RTEL1: variants seen among roughly 807,000 people sequenced by gnomAD.
RTEL1 encodes regulator of telomere elongation helicase 1.
In RTEL1, 86 loss-of-function variants were observed where a neutral mutation model predicts 162.2. The observed-to-expected ratio is 0.53, with a 90% confidence interval of 0.45 to 0.63. The LOEUF is 0.63. Ranked by LOEUF, RTEL1 falls within the 30% of genes least tolerant of loss-of-function variation. The pLI, the probability that RTEL1 is intolerant of heterozygous loss-of-function variation, is 0.00. For synonymous variants in RTEL1, 958 were observed against 717.9 expected (o/e 1.33, Z -5.35); for missense variants, 1,941 against 1,750.2 (o/e 1.11, Z -1.95).
At chr20:63,681,144 A>G (rs4809323) in intron 14 of RTEL1, 755,791 of 985,250 alleles carry the variant, frequency 0.77, 292,226 homozygotes, top group African/African-American at 0.94. Flanking sequence ...GGTTCCCGGC[A>G]GGGGTGTCCC....
chr20:63,660,043 A>C (rs576527705), intron 2 of RTEL1, among the ~76,000 whole-genome samples: 11 of 152,104 alleles, frequency 7.2e-5, no homozygotes, highest in Non-Finnish European at 1.3e-4. Context: ...CCACCCAAAC[A>C]TCTCGGTGGA....
rs774734329 is a variant in RTEL1 at position 63,695,124 on chromosome 20, C to T, written c.3402C>T (p.Asp1134=). ...AGCGCTTCTCACAGACGTGCACAGA[C>T]CTGACCGGCCGGCCCTACCCGGGCA... ...HKQRFSQTCT[D]LTGRPYPGME... is the part of the protein sequence containing the mutation. The change falls in exon 33 of 35, where the codon GAC becomes GAT. Residue 1134 remains aspartate (D), a synonymous_variant. Transcript: ENST00000360203. 2.5e-6 allele frequency: 4 copies of T among 1,612,422 alleles called. No individual in the cohort carries two copies. The highest frequency in any genetic ancestry group is 3.4e-6 in the Non-Finnish European group (4 of 1,179,864).
At chr20:63,684,790 C>T (rs2090554465) in intron 14 of RTEL1, among the ~76,000 whole-genome samples, 2 of 151,946 alleles carry the variant, frequency 1.3e-5, no homozygotes, top group South Asian at 4.1e-4. Flanking sequence ...CTTTTGAAAC[C>T]TGCCCTGACG....
In RTEL1 at chr20:63,694,848, T is replaced by A; in HGVS notation, c.3217T>A (p.Ser1073Thr). 6.2e-7 allele frequency: 1 copy of A among 1,612,208 alleles called. No individual in the cohort carries two copies. Among genetic ancestry groups the A allele is most frequent in the Admixed American group, 1.7e-5 (1 of 59,988 alleles). The change falls in exon 32 of 35, where the codon TCC becomes ACC. Residue 1073 changes from serine (S) to threonine (T), a missense_variant. Transcript: ENST00000360203. ...GGCTGATGCCCGCAGGGCCCTGGGGTCCGCGGGCTGTAGCCAACTCTTGGC... is the reference window on the plus strand; with the variant it reads ...GGCTGATGCCCGCAGGGCCCTGGGGACCGCGGGCTGTAGCCAACTCTTGGC... ...YLADARRALG[S>T]AGCSQLLAAL...
rs543715847 is a variant in RTEL1, at chr20:63,691,896, C to T, written c.2652+59C>T. 1.1e-3 allele frequency: 1,545 copies of T among 1,419,926 alleles called. 9 individuals are homozygous for T. The highest frequency in any genetic ancestry group is 6.5e-3 in the South Asian group (560 of 86,432). 88.0% of individuals were successfully genotyped at this position (1,419,926 alleles called of 1,614,324 possible). A position where few individuals can be genotyped will look rare whatever the true frequency, so the allele number is the denominator to read the frequency against. On this transcript the variant is annotated intron_variant, in intron 28 of 34. Transcript: ENST00000360203. Reference sequence around the variant, plus strand: ...CCATAGACACGCATGGGAACGCAGCCGTGGGTGCCCCCAGCCACGGCTGGT... The same window carrying T: ...CCATAGACACGCATGGGAACGCAGCTGTGGGTGCCCCCAGCCACGGCTGGT...
chr20:63,681,069 A>G (rs767708984), intron 14 of RTEL1: 72 of 985,238 alleles, frequency 7.3e-5, no homozygotes, highest in Non-Finnish European at 8.7e-5. Context: ...ACGCAGATGA[A>G]GAGCTCTGGA....
rs763777407 is a variant in RTEL1, at chr20:63,695,177, G to A, written c.3455G>A (p.Arg1152Lys). ...GMEPPGPQEE[R>K]LAVPPVLTHR... is the part of the protein sequence containing the mutation. ...GAGCCACCGGGACCCCAGGAGGAGA[G>A]GCTTGCCGTGCCTCCTGTGCTTACC... Residue 1152 changes from arginine (R) to lysine (K), a missense_variant, in exon 33 of 35, where the codon AGG becomes AAG. Physicochemically the swap from Arg to Lys is conservative, Grantham distance 26. Transcript: ENST00000360203. 22 of 1,612,298 alleles carry A rather than the reference G, an allele frequency of 1.4e-5. No homozygotes were observed. The highest frequency in any genetic ancestry group is 1.6e-5 in the Non-Finnish European group (19 of 1,179,834).
intron 31 of RTEL1, 109 bp downstream of exon 31, chr20:63,694,597 C>T (rs1227470884): frequency 3.2e-6 from 4 of 1,235,228 alleles, no homozygotes; most frequent in Non-Finnish European, 4.6e-6. Flanking sequence ...GGAGCCATCT[C>T]ATGGTGGGGA....
At chr20:63,694,703 C>G (rs762298670) in intron 31 of RTEL1, 38 bp from the exon 32 acceptor site, 1 of 1,527,080 alleles carries the variant, frequency 6.5e-7, no homozygotes, top group South Asian at 1.2e-5. Flanking sequence ...CAGTCCTCCA[C>G]CCCAGCGCCA....
chr20:63,682,891 C>T (rs1338281786), intron 14 of RTEL1, among the ~76,000 whole-genome samples: 1 of 152,220 alleles, frequency 6.6e-6, no homozygotes, highest in Non-Finnish European at 1.5e-5. Flanking sequence ...CCCCTGGGCC[C>T]CCGTGAGACT....
At chr20:63,683,652 C>T (rs1217861801) in intron 14 of RTEL1, among the ~76,000 whole-genome samples, 1 of 152,234 alleles carries the variant, frequency 6.6e-6, no homozygotes, top group African/African-American at 2.4e-5. Flanking sequence ...GTGTTCCCAG[C>T]AGAACTCCCT....
chr20:63,677,364 C>T lies in RTEL1; in HGVS notation c.920-781C>T, dbSNP rs545057182. Among the ~76,000 whole-genome samples, 3 of 152,312 alleles carry T rather than the reference C, an allele frequency of 2.0e-5. No homozygotes were observed. The South Asian group carries it at 6.2e-4, about 32-fold the overall frequency. ...AGGCATAAGGGCTCAGCGGTAATCC[C>T]AGCACTTTGGGAGACCAAGACTGGT... On this transcript the variant is annotated intron_variant, in intron 10 of 34. Transcript: ENST00000360203.
chr20:63,690,478 T>A, intron 26 of RTEL1, 37 bp downstream of exon 26: 1 of 553,964 alleles, frequency 1.8e-6, no homozygotes, highest in Admixed American at 3.2e-5. Flanking sequence ...GGTGTGGGGG[T>A]GGCGGAGCGG....
chr20:63,663,092 C>A (rs2090053167), intron 6 of RTEL1: 2 of 614,156 alleles, frequency 3.3e-6, no homozygotes, highest in Non-Finnish European at 2.9e-6. Flanking sequence ...AGACAGCCAG[C>A]CGGCAAGACT....
rs2145447147 is a variant in RTEL1 at position 63,693,001 on chromosome 20, A to G, written c.2849A>G (p.Gln950Arg). Residue 950 changes from glutamine (Q) to arginine (R), a missense_variant and splice_region_variant, in exon 29 of 35, where the codon CAA becomes CGA. Transcript: ENST00000360203. ...GACCCCAAGAAGCACAACCTGCTCC[A>G]AGGTGCCCTGGCTTGCAGAGGCCAC... ...AEDPKKHNLL[Q>R]GFYQFVRPHH... is the part of the protein sequence containing the mutation. The G allele has an allele frequency of 1.2e-6, 2 of 1,612,492 alleles. No homozygotes were observed. Among genetic ancestry groups the G allele is most frequent in the African/African-American group, 1.3e-5 (1 of 75,044 alleles).
intron 6 of RTEL1, among the ~76,000 whole-genome samples, chr20:63,663,323 C>T (rs1340844619): frequency 2.0e-5 from 3 of 152,356 alleles, no homozygotes; most frequent in African/African-American, 4.8e-5. Flanking sequence ...TCTGGCCTCC[C>T]GCGACCCTGC....
rs562173928 is a variant in RTEL1 at position 63,662,515 on chromosome 20, C to T, written c.396-31C>T. On this transcript the variant is annotated intron_variant, in intron 4 of 34. Coordinates refer to ENST00000360203, the MANE Select transcript of RTEL1 (RefSeq NM_001283009.2). ...ACGCTGTGGGTGTTGGAGACAGCTCCTCCTCGACCCACGGTGCTCTCTCCC... is the reference window on the plus strand; with the variant it reads ...ACGCTGTGGGTGTTGGAGACAGCTCTTCCTCGACCCACGGTGCTCTCTCCC... The T allele has an allele frequency of 4.8e-5, 77 of 1,612,738 alleles. 1 individual carries two copies. The South Asian group carries it at 8.0e-4, about 17-fold the overall frequency.
chr20:63,665,790 G>T (rs2090113822), intron 6 of RTEL1, among the ~76,000 whole-genome samples: 1 of 152,170 alleles, frequency 6.6e-6, no homozygotes, highest in Non-Finnish European at 1.5e-5. Flanking sequence ...CAGGCCTTCT[G>T]GGGGCAGAGG....
chr20:63,679,708 G>A (rs2090442784), intron 12 of RTEL1, 141 bp from the exon 13 acceptor site: 21 of 700,444 alleles, frequency 3.0e-5, no homozygotes, highest in South Asian at 2.9e-4. Flanking sequence ...CTCCAGGCTC[G>A]AGCCTGTTTT....
Sources: allele counts gnomAD v4.1 joint callset (sites outside exome capture counted in the v4.1 genomes callset), GRCh38; gene constraint gnomAD v4.1.1; transcripts MANE v1.5; gene names NCBI Gene and HGNC (gene_info 2026-07-23, HGNC 2026-07-21).